Variants in DAB1 observed in about 807,000 individuals in gnomAD.
DAB1 encodes the protein DAB adaptor protein 1.
In DAB1, 15 loss-of-function variants were observed where a neutral mutation model predicts 64.6. That is an observed-to-expected ratio of 0.23 (90% CI 0.16 to 0.36). The LOEUF (loss-of-function observed/expected upper bound fraction) is 0.36. Ranked by LOEUF, DAB1 falls within the 10% of genes least tolerant of loss-of-function variation. DAB1 has a pLI of 1.00. For synonymous variants in DAB1, 235 were observed against 251.9 expected, an observed-to-expected ratio of 0.93 and a Z score of 0.64; for missense variants, 596 against 706.7, an observed-to-expected ratio of 0.84 and a Z score of 1.78.
In DAB1 at chr1:58,378,100, T is replaced by C. The variant is rs1328736232; in HGVS notation, n.258-34697A>G. ...ATTCTTCTAAATTTTTTTCAAAGTT[T>C]TCAACTTCTTTGCCTTTGGTTTGAA... On this transcript the variant is annotated intron_variant and non_coding_transcript_variant, in intron 3 of 20. Transcript: ENST00000485760. Among the ~76,000 whole-genome samples, 47 of 132,460 alleles carry C rather than the reference T, an allele frequency of 3.5e-4. No homozygotes were observed. In the East Asian group the frequency reaches 9.5e-3, roughly 27 times the overall value. The allele number at this position is 132,460 out of a possible 152,430, so 86.9% of individuals were successfully genotyped here. A position where few individuals can be genotyped will look rare whatever the true frequency, so the allele number is the denominator to read the frequency against.
intron 1 of DAB1, among the ~76,000 whole-genome samples, chr1:57,858,580 C>T (rs1239999666): frequency 1.3e-5 from 2 of 151,790 alleles, no homozygotes; most frequent in Non-Finnish European, 2.9e-5. Flanking sequence ...AGAACTCCAC[C>T]TCCTAACTCT....
At chr1:58,452,828 A>AAAAAAAC (rs372706638) in intron 3 of DAB1, among the ~76,000 whole-genome samples, 1 of 151,488 alleles carries the variant, frequency 6.6e-6, no homozygotes, top group Non-Finnish European at 1.5e-5. Flanking sequence ...ACTCCATCTC[A>AAAAAAAC]AAAAAACAAA....
rs116377357 is a variant in DAB1 at position 57,929,249 on chromosome 1, T to A, written n.388-45087A>T. ...TGTGTATCTTCTTTGGTGAGATGTA[T>A]GTAAAGGTCTTTGGCTCATATTTAA... On this transcript the variant is annotated intron_variant and non_coding_transcript_variant, in intron 5 of 20. Transcript: ENST00000485760. 7.0e-3 allele frequency among the ~76,000 whole-genome samples: 1,072 copies of A among 152,350 alleles called. 14 individuals are homozygous for A. The highest frequency in any genetic ancestry group is 0.025 in the African/African-American group (1,035 of 41,576).
chr1:57,030,884 C>A (rs1459291786), intron 9 of DAB1, among the ~76,000 whole-genome samples: 1 of 152,180 alleles, frequency 6.6e-6, no homozygotes, highest in Admixed American at 6.5e-5. Context: ...TTTGAGACTG[C>A]AACTCTATGC....
intron 6 of DAB1, among the ~76,000 whole-genome samples, chr1:57,723,828 T>C (rs1647177960): frequency 6.6e-6 from 1 of 152,210 alleles, no homozygotes; most frequent in Admixed American, 6.5e-5. Flanking sequence ...CCCTTTTTGA[T>C]TTCCAGCTTG....
At chr1:57,246,742 C>T (rs627489) in intron 2 of DAB1, among the ~76,000 whole-genome samples, 3 of 152,016 alleles carry the variant, frequency 2.0e-5, no homozygotes, top group African/African-American at 7.2e-5. Flanking sequence ...TATCCTGCAG[C>T]GCTCCAGGGG....
intron 9 of DAB1, among the ~76,000 whole-genome samples, chr1:57,030,978 A>G (rs1448330790): frequency 1.3e-5 from 2 of 152,230 alleles, no homozygotes; most frequent in African/African-American, 2.4e-5. Context: ...TTACATTTCA[A>G]ATGTGTTGAA....
intron 3 of DAB1, among the ~76,000 whole-genome samples, chr1:58,372,806 G>T (rs1569697368): frequency 6.6e-6 from 1 of 152,082 alleles, no homozygotes; most frequent in East Asian, 1.9e-4. Context: ...TTTCTTGTCT[G>T]CCACCATGTA....
intron 6 of DAB1, among the ~76,000 whole-genome samples, chr1:57,776,793 C>G (rs1169495287): frequency 1.3e-5 from 2 of 151,650 alleles, no homozygotes; most frequent in Non-Finnish European, 1.5e-5. Context: ...GTTGCAAACT[C>G]CACAACACAA....
chr1:57,218,155 A>G (rs1666567001), intron 2 of DAB1, among the ~76,000 whole-genome samples: 1 of 152,116 alleles, frequency 6.6e-6, no homozygotes, highest in African/African-American at 2.4e-5. Flanking sequence ...TACCAACCGG[A>G]CGAGGTTGGG....
intron 5 of DAB1, among the ~76,000 whole-genome samples, chr1:58,122,113 G>A (rs891181366): frequency 6.6e-6 from 1 of 152,148 alleles, no homozygotes; most frequent in African/African-American, 2.4e-5. Flanking sequence ...TGACTTTGAT[G>A]TACAGAACTG....
At chr1:58,403,801 G>A (rs950148226) in intron 3 of DAB1, among the ~76,000 whole-genome samples, 2 of 152,126 alleles carry the variant, frequency 1.3e-5, no homozygotes, top group African/African-American at 4.8e-5. Flanking sequence ...GTTTGCAAAT[G>A]TGCATGCATG....
chr1:58,347,680 T>C (rs1233113857), intron 3 of DAB1, among the ~76,000 whole-genome samples: 3 of 152,224 alleles, frequency 2.0e-5, no homozygotes, highest in Non-Finnish European at 4.4e-5. Context: ...ATTTACTCTT[T>C]ATCACAGGGA....
chr1:57,354,095 G>A (rs1051686536), intron 1 of DAB1, among the ~76,000 whole-genome samples: 3 of 152,040 alleles, frequency 2.0e-5, no homozygotes, highest in African/African-American at 4.8e-5. Flanking sequence ...TTATTTAAAC[G>A]TGACATTTTT....
At chr1:58,259,362 A>G (rs1661001392) in intron 4 of DAB1, among the ~76,000 whole-genome samples, 1 of 152,022 alleles carries the variant, frequency 6.6e-6, no homozygotes, top group Non-Finnish European at 1.5e-5. Context: ...TTCCTTCCCT[A>G]TGCTCAGGCC....
At chr1:57,682,458 C>T (rs1056428555) in intron 6 of DAB1, among the ~76,000 whole-genome samples, 1 of 150,730 alleles carries the variant, frequency 6.6e-6, no homozygotes, top group Non-Finnish European at 1.5e-5. Flanking sequence ...ATAATTTGGG[C>T]AGGTCTATGG....
chr1:57,255,939 C>T lies in DAB1; in HGVS notation c.67+35025G>A, dbSNP rs80163202. 9.2e-5 allele frequency among the ~76,000 whole-genome samples: 14 copies of T among 152,266 alleles called. No homozygotes were observed. The East Asian group carries it at 2.1e-3, about 23-fold the overall frequency. ...TTTAGGTGCAATTTTGATATACTTG[C>T]CTTAATGTGCCATTTATTAAATGTA... On this transcript the variant is annotated intron_variant, in intron 2 of 14. Coordinates refer to ENST00000371236, the MANE Select transcript of DAB1 (RefSeq NM_001365792.1).
intron 4 of DAB1, among the ~76,000 whole-genome samples, chr1:57,121,210 G>T (rs1210604251): frequency 6.6e-6 from 1 of 151,330 alleles, no homozygotes; most frequent in Non-Finnish European, 1.5e-5. Flanking sequence ...AGGAGAAGAA[G>T]GAGAAGGAGG....
At chr1:57,436,797 G>A (rs1473211114) in intron 7 of DAB1, among the ~76,000 whole-genome samples, 1 of 152,084 alleles carries the variant, frequency 6.6e-6, no homozygotes, top group Non-Finnish European at 1.5e-5. Flanking sequence ...GGGAGGCCGA[G>A]GCAGGCAGAT....
Sources: gnomAD v4.1 joint callset for allele counts (sites outside exome capture counted in the v4.1 genomes callset) on GRCh38, gnomAD v4.1.1 for gene constraint, MANE v1.5 for transcripts, NCBI Gene and HGNC (gene_info 2026-07-23, HGNC 2026-07-21) for gene names.